Variants in ZNF23 observed in about 807,000 individuals in gnomAD.
ZNF23 encodes the protein zinc finger protein 23, also known as kruppel-like zinc finger factor X31.
Under a neutral mutation model 56.2 loss-of-function variants are expected in ZNF23, and 48 were observed. That is an observed-to-expected ratio of 0.85 (90% CI 0.68 to 1.09). The LOEUF (loss-of-function observed/expected upper bound fraction) is 1.09, where lower values mean the gene tolerates loss of function less well. Among genes scored for constraint, ZNF23 ranks in the 50% least tolerant of loss-of-function variants. The probability of loss-of-function intolerance (pLI) is 0.00; values close to 1 mark genes in which losing one functional copy is unlikely to be tolerated. For missense variants in ZNF23, 805 were observed against 811.4 expected, an observed-to-expected ratio of 0.99 and a Z score of 0.10; for synonymous variants, 266 against 283.3, an observed-to-expected ratio of 0.94 and a Z score of 0.61.
In ZNF23 at chr16:71,461,470, A is replaced by G. The variant is rs2043453776; in HGVS notation, c.-33+740T>C. Among the ~76,000 whole-genome samples the G allele has an allele frequency of 3.3e-5, 5 of 152,326 alleles. No homozygotes were observed. In the South Asian group the frequency reaches 1.0e-3, roughly 32 times the overall value. ...CAGTATTTTGACTAAATACCATAAG[A>G]GTAAAGACAAAAAGACCTGTATCCA... On this transcript the variant is annotated intron_variant, in intron 1 of 4. Transcript: ENST00000647773.
Position 71,448,532 on chromosome 16 carries a change from T to C in ZNF23, c.1622A>G (p.His541Arg). 3 of 1,614,218 alleles carry C rather than the reference T, an allele frequency of 1.9e-6. No individual in the cohort carries two copies. Among genetic ancestry groups the C allele is most frequent in the Non-Finnish European group, 2.5e-6 (3 of 1,180,028 alleles). Residue 541 changes from histidine (H) to arginine (R), a missense_variant, in exon 5 of 5, where the codon CAT becomes CGT. Transcript: ENST00000647773. Reference sequence around the variant, plus strand: ...ACATTGATAGGGCTTTTCTCCAGTATGGATTCGGTGATGATCAAGTAGGTT... The same window carrying C: ...ACATTGATAGGGCTTTTCTCCAGTACGGATTCGGTGATGATCAAGTAGGTT... ...KRNLLDHHRIHTGEKPYQCKE... is the reference protein window; with the variant it reads ...KRNLLDHHRIRTGEKPYQCKE...
chr16:71,456,204 G>A, intron 2 of ZNF23: 1 of 370,622 alleles, frequency 2.7e-6, no homozygotes, highest in East Asian at 7.7e-5. Context: ...AGGACAGGGT[G>A]GAAAGCTCTT....
At chr16:71,461,816 A>G (rs1052671708) in intron 1 of ZNF23, 1 of 152,256 alleles carries the variant, frequency 6.6e-6, no homozygotes, top group African/African-American at 2.4e-5. Flanking sequence ...CGGGATGCAC[A>G]TAGGTTAATG....
At position 71,449,748 on chromosome 16, in the gene ZNF23, G is replaced by A. The variant is rs1417599411; in HGVS notation, c.406C>T (p.His136Tyr). 4 of 1,614,050 alleles carry A rather than the reference G, an allele frequency of 2.5e-6. No homozygotes were observed. The highest frequency in any genetic ancestry group is 3.4e-6 in the Non-Finnish European group (4 of 1,180,010). The change falls in exon 5 of 5, where the codon CAC becomes TAC. Residue 136 changes from histidine to tyrosine, a missense_variant. Transcript: ENST00000647773. ...TCCTTCTTTATATTTCCTGCTGAGT[G>A]GACTTCCTGTTGTTTCTCTAGAAGA... ...ASLLEKQQEVHSAGNIKKEKS... is the reference protein window; with the variant it reads ...ASLLEKQQEVYSAGNIKKEKS...
intron 2 of ZNF23, chr16:71,456,222 A>T: frequency 2.8e-6 from 1 of 358,208 alleles, no homozygotes; most frequent in Non-Finnish European, 5.5e-6. Flanking sequence ...CTTCTCAGAG[A>T]CCTAAAGTCT....
intron 1 of ZNF23, among the ~76,000 whole-genome samples, chr16:71,459,520 A>C (rs2145136134): frequency 6.6e-6 from 1 of 152,344 alleles, no homozygotes; most frequent in Admixed American, 6.5e-5. Flanking sequence ...CTTAGACTAC[A>C]AAAGGCTTTT....
intron 2 of ZNF23, among the ~76,000 whole-genome samples, chr16:71,454,611 G>T (rs778643574): frequency 6.6e-6 from 1 of 151,970 alleles, no homozygotes; most frequent in Admixed American, 6.6e-5. Context: ...GATCATCCAC[G>T]GCTTCTGTCT....
intron 1 of ZNF23, among the ~76,000 whole-genome samples, chr16:71,457,914 C>T (rs913365001): frequency 2.0e-4 from 31 of 152,122 alleles, no homozygotes; most frequent in Non-Finnish European, 3.5e-4. Flanking sequence ...GGCTGCAGCC[C>T]CAGTACACAA....
intron 1 of ZNF23, chr16:71,461,817 T>C (rs564205273): frequency 2.0e-5 from 3 of 152,268 alleles, no homozygotes; most frequent in East Asian, 3.9e-4. Context: ...GGGATGCACA[T>C]AGGTTAATGT....
rs368733338 is a variant in ZNF23, at chr16:71,448,150, G to C, written c.2004C>G (p.Phe668Leu). 1.2e-6 allele frequency: 2 copies of C among 1,613,758 alleles called. No homozygotes were observed. The highest frequency in any genetic ancestry group is 2.2e-5 in the South Asian group (2 of 90,942). ...PYMCSVCGKAFRFSFQLSQHQ... is the reference protein window; with the variant it reads ...PYMCSVCGKALRFSFQLSQHQ... ...GCTGACTGAGCTGGAAGCTAAACCT[G>C]AATGCTTTCCCACACACACTACACA... Residue 668 changes from phenylalanine (F) to leucine (L), a missense_variant, in exon 5 of 5, where the codon TTC becomes TTG. Phe to Leu is a conservative substitution (Grantham distance 22). Coordinates refer to ENST00000647773, the MANE Select transcript of ZNF23 (RefSeq NM_001381984.1).
chr16:71,457,479 T>C (rs1455822817), intron 1 of ZNF23, among the ~76,000 whole-genome samples: 3 of 151,852 alleles, frequency 2.0e-5, no homozygotes, highest in East Asian at 1.9e-4. Context: ...AGGAGAATGG[T>C]GTGAACCCGG....
In ZNF23 at chr16:71,454,097, C is replaced by G. The variant is rs753021688; in HGVS notation, c.105G>C (p.Gln35His). The change falls in exon 3 of 5, where the codon CAG becomes CAC. Residue 35 changes from glutamine to histidine, a missense_variant. Physicochemically the swap from Gln to His is conservative, Grantham distance 24. Transcript: ENST00000647773. ...QAEWDGLSPA[Q>H]RTLYRDVMLE... is the part of the protein sequence containing the mutation. Reference sequence around the variant, plus strand: ...GCATCACATCCCTGTACAGGGTCCTCTGTGCAGGGGACAGGCCATCCCATT... The same window carrying G: ...GCATCACATCCCTGTACAGGGTCCTGTGTGCAGGGGACAGGCCATCCCATT... 4 of 1,614,124 alleles carry G rather than the reference C, an allele frequency of 2.5e-6. No homozygotes were observed. In the South Asian group the frequency reaches 4.4e-5, roughly 18 times the overall value.
At position 71,448,323 on chromosome 16, in the gene ZNF23, C is replaced by T. The variant is rs554287463; in HGVS notation, c.1831G>A (p.Ala611Thr). ...KPFQCKECGKAFHVNAHLIRH... is the reference protein window; with the variant it reads ...KPFQCKECGKTFHVNAHLIRH... ...ATTAAATGGGCATTAACATGGAAGG[C>T]TTTTCCACACTCCTTACACTGAAAG... The change falls in exon 5 of 5, where the codon GCC (alanine) becomes ACC (threonine). Residue 611 changes from alanine (A) to threonine (T), a missense_variant. Physicochemically the swap from Ala to Thr is moderately conservative, Grantham distance 58. Coordinates refer to ENST00000647773, the MANE Select transcript of ZNF23 (RefSeq NM_001381984.1). The T allele has an allele frequency of 1.2e-6, 2 of 1,614,024 alleles. No homozygotes were observed. Among genetic ancestry groups the T allele is most frequent in the East Asian group, 2.2e-5 (1 of 44,870 alleles).
At chr16:71,455,876 A>G (rs545342693) in intron 2 of ZNF23, among the ~76,000 whole-genome samples, 2 of 152,188 alleles carry the variant, frequency 1.3e-5, no homozygotes, top group East Asian at 1.9e-4. Flanking sequence ...TCTGAATCAC[A>G]CAATAACTCT....
Position 71,454,106 on chromosome 16 carries a change from G to C in ZNF23, c.96C>G (p.Ser32=). ...CCCTGTACAGGGTCCTCTGTGCAGG[G>C]GACAGGCCATCCCATTCCGCCTGGG... ...YFTQAEWDGL[S]PAQRTLYRDV... is the part of the protein sequence containing the mutation. The change falls in exon 3 of 5, where the codon TCC becomes TCG. Residue 32 remains serine, a synonymous_variant. Transcript: ENST00000647773. 6.2e-7 allele frequency: 1 copy of C among 1,614,036 alleles called. No homozygotes were observed. Among genetic ancestry groups the C allele is most frequent in the Non-Finnish European group, 8.5e-7 (1 of 1,179,984 alleles).
rs749463786 is a variant in ZNF23, at chr16:71,448,926, T to A, written c.1228A>T (p.Lys410Ter). The A allele has an allele frequency of 6.2e-7, 1 of 1,614,146 alleles. No individual in the cohort carries two copies. Among genetic ancestry groups the A allele is most frequent in the African/African-American group, 1.3e-5 (1 of 74,938 alleles). ...TTATTGAAGCCTTTTCCACACTCTT[T>A]ACACTGATAGGGCTTTTCTCCTGTG... The part of the protein sequence containing the change: ...IHTGEKPYQC[K>*]ECGKGFNNNT... The change falls in exon 5 of 5, where the codon AAA (lysine) becomes TAA (stop). Residue 410 changes from lysine to a stop codon, truncating the protein, a stop_gained. Transcript: ENST00000647773. LOFTEE classifies it high-confidence loss of function.
intron 2 of ZNF23, chr16:71,456,083 G>T: frequency 2.2e-6 from 1 of 454,280 alleles, no homozygotes; most frequent in East Asian, 7.0e-5. Context: ...TGTAGTCCAT[G>T]GAAGTCCATG....
intron 3 of ZNF23, 75 bp from the exon 4 acceptor site, chr16:71,453,425 CTG>C: frequency 8.5e-7 from 1 of 1,181,018 alleles, no homozygotes; most frequent in East Asian, 2.5e-5. Context: ...TCTTCTCAGA[CTG>C]TCTCAGCAAT....
At chr16:71,460,761 T>A (rs1350138679) in intron 1 of ZNF23, among the ~76,000 whole-genome samples, 1 of 152,240 alleles carries the variant, frequency 6.6e-6, no homozygotes, top group Non-Finnish European at 1.5e-5. Context: ...TCTCAACAGA[T>A]GCCAAAGATG....
Sources: allele counts gnomAD v4.1 joint callset (sites outside exome capture counted in the v4.1 genomes callset), GRCh38; gene constraint gnomAD v4.1.1; transcripts MANE v1.5; gene names NCBI Gene and HGNC (gene_info 2026-07-23, HGNC 2026-07-21).